Variants in DSCAM observed in about 807,000 individuals in gnomAD.
The protein encoded by DSCAM is cell adhesion molecule DSCAM.
In DSCAM, 47 loss-of-function variants were observed where a neutral mutation model predicts 217.7. The observed-to-expected ratio is 0.22, with a 90% CI of 0.17 to 0.28. DSCAM has a LOEUF of 0.28. Ranked by LOEUF, DSCAM falls within the 10% of genes least tolerant of loss-of-function variation. The probability of loss-of-function intolerance (pLI) is 1.00; values close to 1 mark genes in which losing one functional copy is unlikely to be tolerated. For missense variants in DSCAM, 2,080 were observed against 2,618.3 expected, an observed-to-expected ratio of 0.79 and a Z score of 4.49; for synonymous variants, 1,056 against 1,015.3, an observed-to-expected ratio of 1.04 and a Z score of -0.76.
chr21:40,132,411 A>G (rs1311076439), intron 19 of DSCAM, among the ~76,000 whole-genome samples: 1 of 152,170 alleles, frequency 6.6e-6, no homozygotes, highest in African/African-American at 2.4e-5. Flanking sequence ...GGCTGCCTTC[A>G]CTCAGGACTT....
At chr21:40,450,554 T>G (rs932659003) in intron 3 of DSCAM, among the ~76,000 whole-genome samples, 3 of 152,236 alleles carry the variant, frequency 2.0e-5, no homozygotes, top group Admixed American at 1.3e-4. Flanking sequence ...GGACAATGAC[T>G]TCAGAACATT....
At chr21:40,208,420 C>T (rs1037040642) in intron 11 of DSCAM, among the ~76,000 whole-genome samples, 1 of 152,222 alleles carries the variant, frequency 6.6e-6, no homozygotes, top group Non-Finnish European at 1.5e-5. Flanking sequence ...CGCCATTGCA[C>T]TCCAGCCTGG....
intron 10 of DSCAM, among the ~76,000 whole-genome samples, chr21:40,291,189 C>T (rs2073887934): frequency 6.6e-6 from 1 of 152,228 alleles, no homozygotes; most frequent in East Asian, 1.9e-4. Context: ...ATTTGTCCCT[C>T]CTCCACTGCA....
At chr21:40,021,373 A>G (rs2088269200) in intron 32 of DSCAM, among the ~76,000 whole-genome samples, 1 of 152,146 alleles carries the variant, frequency 6.6e-6, no homozygotes, top group African/African-American at 2.4e-5. Flanking sequence ...GGTGAGTACT[A>G]TGAGAATAAA....
At chr21:40,805,060 CA>C (rs1342344663) in intron 1 of DSCAM, among the ~76,000 whole-genome samples, 1 of 152,182 alleles carries the variant, frequency 6.6e-6, no homozygotes, top group Non-Finnish European at 1.5e-5. Flanking sequence ...CACTTCCCCC[CA>C]ACTCCTAGGG....
At chr21:40,147,916 T>C (rs569477015) in intron 16 of DSCAM, among the ~76,000 whole-genome samples, 1 of 152,308 alleles carries the variant, frequency 6.6e-6, no homozygotes, top group Admixed American at 6.5e-5. Flanking sequence ...ACCTTCACAA[T>C]ATAGTTTCTC....
chr21:40,143,802 T>C (rs945786834), intron 17 of DSCAM, among the ~76,000 whole-genome samples: 5 of 152,066 alleles, frequency 3.3e-5, no homozygotes, highest in African/African-American at 1.2e-4. Flanking sequence ...AAAAAAAATC[T>C]ATGATCAAAT....
chr21:40,437,118 G>A (rs137878656), intron 3 of DSCAM, among the ~76,000 whole-genome samples: 1 of 152,300 alleles, frequency 6.6e-6, no homozygotes, highest in African/African-American at 2.4e-5. Context: ...CAGGATTCCT[G>A]AAAAGGATCA....
intron 3 of DSCAM, among the ~76,000 whole-genome samples, chr21:40,392,657 C>T (rs1037006650): frequency 1.1e-4 from 16 of 152,184 alleles, no homozygotes; most frequent in Non-Finnish European, 4.4e-5. Flanking sequence ...GAAGCCACCA[C>T]GTACAGAACG....
chr21:40,518,543 TAC>T (rs1252660108), intron 3 of DSCAM, among the ~76,000 whole-genome samples: 3 of 71,776 alleles, frequency 4.2e-5, no homozygotes, highest in South Asian at 7.7e-4. Context: ...TATATATATG[TAC>T]ACACACATAT....
chr21:40,387,815 T>C (rs1271560218), intron 3 of DSCAM, among the ~76,000 whole-genome samples: 1 of 152,212 alleles, frequency 6.6e-6, no homozygotes, highest in Non-Finnish European at 1.5e-5. Context: ...AATAAGAGTA[T>C]ATCATAAAAG....
chr21:40,361,857 A>C (rs78938652), intron 4 of DSCAM, among the ~76,000 whole-genome samples: 1 of 152,302 alleles, frequency 6.6e-6, no homozygotes, highest in East Asian at 1.9e-4. Flanking sequence ...TCTTGCTCAC[A>C]TGCAGTTGTT....
chr21:40,513,879 A>G (rs2076279444), intron 3 of DSCAM, among the ~76,000 whole-genome samples: 1 of 152,200 alleles, frequency 6.6e-6, no homozygotes, highest in South Asian at 2.1e-4. Flanking sequence ...AACAACAAAA[A>G]CAAGTGAAGT....
chr21:40,178,645 G>C (rs74770328), intron 15 of DSCAM, among the ~76,000 whole-genome samples: 3,944 of 152,194 alleles, frequency 0.026, 173 homozygotes, highest in African/African-American at 0.09. Flanking sequence ...ATTGTAAAAC[G>C]GCATGATTCT....
chr21:40,380,594 G>A (rs940197457), intron 3 of DSCAM, among the ~76,000 whole-genome samples: 1 of 152,138 alleles, frequency 6.6e-6, no homozygotes, highest in Admixed American at 6.5e-5. Context: ...GTTTGGAGTG[G>A]GGTGTGTATG....
At chr21:40,430,954 A>T (rs1037019078) in intron 3 of DSCAM, among the ~76,000 whole-genome samples, 1 of 152,248 alleles carries the variant, frequency 6.6e-6, no homozygotes, top group Non-Finnish European at 1.5e-5. Flanking sequence ...AGAAGCCGCT[A>T]CTGAGACAGC....
intron 2 of DSCAM, among the ~76,000 whole-genome samples, chr21:40,694,285 C>T (rs1240263767): frequency 6.6e-6 from 1 of 152,182 alleles, no homozygotes; most frequent in Non-Finnish European, 1.5e-5. Context: ...AAGATACCCA[C>T]AGAGATAACT....
chr21:40,280,837 G>A (rs908632190), intron 10 of DSCAM, among the ~76,000 whole-genome samples: 5 of 152,092 alleles, frequency 3.3e-5, no homozygotes, highest in South Asian at 2.1e-4. Flanking sequence ...TCTCCCTCCC[G>A]CTCAGTCTTA....
intron 26 of DSCAM, among the ~76,000 whole-genome samples, chr21:40,076,483 G>T (rs1413378748): frequency 6.6e-6 from 1 of 152,206 alleles, no homozygotes; most frequent in East Asian, 1.9e-4. Context: ...CCATTCATGA[G>T]ACTGGTCCAA....
Sources: gnomAD v4.1 joint callset for allele counts (sites outside exome capture counted in the v4.1 genomes callset) on GRCh38, gnomAD v4.1.1 for gene constraint, MANE v1.5 for transcripts, NCBI Gene and HGNC (gene_info 2026-07-23, HGNC 2026-07-21) for gene names.